The following DDHD1 variants were observed in gnomAD, a reference collection of about 807,000 sequenced individuals.
DDHD1 encodes DDHD domain containing 1, also known as phospholipase DDHD1.
DDHD1 carries 49 observed loss-of-function variants against 96.4 expected under a neutral mutation model. The ratio of observed to expected loss-of-function variants is 0.51; its 90% confidence interval spans 0.40 to 0.64. The LOEUF is 0.64. DDHD1 is among the 30% of genes least tolerant of loss of function. The pLI is 0.00. For synonymous variants in DDHD1, 442 were observed against 446.5 expected, an observed-to-expected ratio of 0.99 and a Z score of 0.13; for missense variants, 1,106 against 1,161.2, an observed-to-expected ratio of 0.95 and a Z score of 0.69.
intron 1 of DDHD1, among the ~76,000 whole-genome samples, chr14:53,143,823 AAGTT>A (rs1482609951): frequency 6.6e-6 from 1 of 152,254 alleles, no homozygotes; most frequent in Non-Finnish European, 1.5e-5. Context: ...ATATTTAAGA[AAGTT>A]AGCACAGGTC....
At chr14:53,126,453 G>A (rs957440364) in intron 1 of DDHD1, among the ~76,000 whole-genome samples, 3 of 152,116 alleles carry the variant, frequency 2.0e-5, no homozygotes, top group Non-Finnish European at 4.4e-5. Context: ...CTGCAGCCTC[G>A]ACTTCCCGGG....
At chr14:53,059,722 G>A (rs1050746930) in intron 8 of DDHD1, among the ~76,000 whole-genome samples, 1 of 149,744 alleles carries the variant, frequency 6.7e-6, no homozygotes, top group Non-Finnish European at 1.5e-5. Context: ...AAATTAGCTG[G>A]GCGTGGTGGC....
intron 4 of DDHD1, among the ~76,000 whole-genome samples, chr14:53,081,106 G>A (rs1268057191): frequency 6.6e-6 from 1 of 152,118 alleles, no homozygotes; most frequent in East Asian, 1.9e-4. Context: ...AAGAAGCCTA[G>A]ATTCTACTTT....
intron 1 of DDHD1, among the ~76,000 whole-genome samples, chr14:53,114,225 C>T (rs1295246420): frequency 1.3e-5 from 2 of 152,222 alleles, no homozygotes; most frequent in African/African-American, 4.8e-5. Flanking sequence ...CAGTCAGGGG[C>T]TTACAGATAA....
Position 53,054,474 on chromosome 14 carries a change from G to A in DDHD1, c.2401C>T (p.Leu801Phe). 1 of 1,614,040 alleles carries A rather than the reference G, an allele frequency of 6.2e-7. No homozygotes were observed. The highest frequency in any genetic ancestry group is 1.3e-5 in the African/African-American group (1 of 75,034). ...AGGAAGCCAGAACTGCTATGTGGAA[G>A]GGTCTGTGTCCCTACGGTGGTAGCA... ...PSATTVGTQTLPHSSSGFLDS... is the reference protein window; with the variant it reads ...PSATTVGTQTFPHSSSGFLDS... The change falls in exon 11 of 13, where the codon CTT becomes TTT. Residue 801 changes from leucine (L) to phenylalanine (F), a missense_variant. Physicochemically the swap from Leu to Phe is conservative, Grantham distance 22 (BLOSUM62 0). Transcript: ENST00000673822.
In DDHD1 at chr14:53,152,739, C is replaced by T; in HGVS notation, c.360G>A (p.Pro120=). Residue 120 remains proline (P), a synonymous_variant, in exon 1 of 13, where the codon CCG becomes CCA. Coordinates refer to ENST00000673822, the MANE Select transcript of DDHD1 (RefSeq NM_001160148.2). ...TCGTCGGGACCAGCGGAGGCTGCTGCGGCGGGTGCAGCGACAAGGAGCTGC... is the reference window on the plus strand; with the variant it reads ...TCGTCGGGACCAGCGGAGGCTGCTGTGGCGGGTGCAGCGACAAGGAGCTGC... ...GGGSSLSLHP[P]QQPPLVPTNS... The T allele has an allele frequency of 6.3e-7, 1 of 1,587,824 alleles. No individual in the cohort carries two copies. The highest frequency in any genetic ancestry group is 1.8e-4 in the Middle Eastern group (1 of 5,544).
At chr14:53,050,191 T>C (rs1882414237) in intron 12 of DDHD1, among the ~76,000 whole-genome samples, 1 of 152,052 alleles carries the variant, frequency 6.6e-6, no homozygotes, top group Admixed American at 6.5e-5. Context: ...TTTGGACATG[T>C]AGAGATGAAA....
chr14:53,061,826 G>A (rs1383353710), intron 7 of DDHD1, among the ~76,000 whole-genome samples: 2 of 151,984 alleles, frequency 1.3e-5, no homozygotes, highest in East Asian at 3.9e-4. Context: ...TTAAGGTCAG[G>A]AGTTCAAGAC....
chr14:53,092,021 G>T, intron 3 of DDHD1, 89 bp from the exon 4 acceptor site: 1 of 1,329,496 alleles, frequency 7.5e-7, no homozygotes, highest in Non-Finnish European at 1.0e-6. Flanking sequence ...GAAGTAAAAG[G>T]AATATTATGA....
intron 1 of DDHD1, among the ~76,000 whole-genome samples, chr14:53,142,491 G>A (rs1205646784): frequency 6.6e-6 from 1 of 151,860 alleles, no homozygotes; most frequent in Non-Finnish European, 1.5e-5. Flanking sequence ...AACATTACTG[G>A]CTTTGCCTTA....
chr14:53,085,428 G>A (rs1355836354), intron 4 of DDHD1, among the ~76,000 whole-genome samples: 1 of 152,178 alleles, frequency 6.6e-6, no homozygotes, highest in Non-Finnish European at 1.5e-5. Context: ...GCTTCCAGAG[G>A]AATGATCAGA....
At chr14:53,048,619 G>T (rs1236606047) in intron 12 of DDHD1, 1 of 152,150 alleles carries the variant, frequency 6.6e-6, no homozygotes, top group Non-Finnish European at 1.5e-5. Context: ...GATTACAAGT[G>T]TGCACCACCG....
chr14:53,131,021 C>T (rs1357347467), intron 1 of DDHD1, among the ~76,000 whole-genome samples: 2 of 152,182 alleles, frequency 1.3e-5, no homozygotes, highest in Non-Finnish European at 2.9e-5. Context: ...CCCTTGTCTC[C>T]ATAACTGTTG....
In DDHD1 at chr14:53,109,738, A is replaced by G. The variant is rs542140238; in HGVS notation, c.839-5882T>C. 1.2e-4 allele frequency among the ~76,000 whole-genome samples: 19 copies of G among 152,170 alleles called. 1 individual carries two copies. The highest frequency in any genetic ancestry group is 2.4e-4 in the Non-Finnish European group (16 of 68,026). On this transcript the variant is annotated intron_variant, in intron 1 of 12. Transcript: ENST00000673822. ...ATCTTAAAAGGCTATCATTCTCCCA[A>G]CTTTACAAATGAATAAGCTAAGTCT...
At chr14:53,118,645 A>C (rs1021881183) in intron 1 of DDHD1, among the ~76,000 whole-genome samples, 17 of 152,230 alleles carry the variant, frequency 1.1e-4, no homozygotes, top group African/African-American at 4.1e-4. Context: ...AAAGCCTCCA[A>C]GAAATATGGG....
chr14:53,078,079 T>C (rs1885130180), intron 4 of DDHD1, among the ~76,000 whole-genome samples: 1 of 152,190 alleles, frequency 6.6e-6, no homozygotes, highest in South Asian at 2.1e-4. Context: ...TGAATAATGC[T>C]TCTATGAACA....
chr14:53,094,402 G>A (rs978037623), intron 2 of DDHD1, among the ~76,000 whole-genome samples: 3 of 152,144 alleles, frequency 2.0e-5, no homozygotes, highest in African/African-American at 4.8e-5. Context: ...CTGCCATGAT[G>A]TTCAAATCAG....
chr14:53,146,074 C>T (rs1216836910), intron 1 of DDHD1, among the ~76,000 whole-genome samples: 2 of 152,066 alleles, frequency 1.3e-5, no homozygotes, highest in African/African-American at 2.4e-5. Flanking sequence ...GGCATTGTGG[C>T]GCATGCCTGC....
In DDHD1 at chr14:53,037,233, T is replaced by C. The variant is rs1259146241; in HGVS notation, c.*9535A>G. 1 of 152,116 alleles carries C rather than the reference T, an allele frequency of 6.6e-6. No homozygotes were observed. Among genetic ancestry groups the C allele is most frequent in the Non-Finnish European group, 1.5e-5 (1 of 67,996 alleles). 9.4% of individuals were successfully genotyped at this position (152,116 alleles called of 1,614,324 possible). ...ACTGTGAATAGCACTGTGATGACCA[T>C]ATGTGTTTTTGGTAGAAGGATTTAT... On this transcript the variant is annotated 3_prime_UTR_variant, in exon 13 of 13. Transcript: ENST00000673822.
Sources: allele counts gnomAD v4.1 joint callset (sites outside exome capture counted in the v4.1 genomes callset), GRCh38; gene constraint gnomAD v4.1.1; transcripts MANE v1.5; gene names NCBI Gene and HGNC (gene_info 2026-07-23, HGNC 2026-07-21).